Variants in MROH1 observed in about 807,000 individuals in gnomAD.
The protein encoded by MROH1 is maestro heat like repeat family member 1.
MROH1 carries 117 observed loss-of-function variants against 116.5 expected under a neutral mutation model. The ratio of observed to expected loss-of-function variants is 1.00; its 90% CI spans 0.86 to 1.17. The LOEUF (loss-of-function observed/expected upper bound fraction) is 1.17, where lower values mean the gene tolerates loss of function less well. Among genes scored for constraint, MROH1 ranks in the 50% most tolerant of loss-of-function variants. The pLI is 0.00. For missense variants in MROH1, 1,873 were observed against 1,338.5 expected, an observed-to-expected ratio of 1.40 and a Z score of -6.23; for synonymous variants, 921 against 583.9, an observed-to-expected ratio of 1.58 and a Z score of -8.32.
intron 14 of MROH1, among the ~76,000 whole-genome samples, chr8:144,233,733 C>T (rs112189131): frequency 0.071 from 10,741 of 152,274 alleles, 1,310 homozygotes; most frequent in African/African-American, 0.24. Context: ...GCTTATCCCA[C>T]TTGTCCCTTC....
At chr8:144,211,223 C>T (rs1376923118) in intron 12 of MROH1, among the ~76,000 whole-genome samples, 1 of 152,162 alleles carries the variant, frequency 6.6e-6, no homozygotes, top group Non-Finnish European at 1.5e-5. Flanking sequence ...TTGGGCAAGA[C>T]GATAGGAGTC....
At chr8:144,220,864 A>T (rs1350320510) in intron 13 of MROH1, among the ~76,000 whole-genome samples, 191 bp downstream of exon 13, 1 of 152,138 alleles carries the variant, frequency 6.6e-6, no homozygotes, top group African/African-American at 2.4e-5. Context: ...CACTCAGGAA[A>T]CAGTCCCCAA....
intron 12 of MROH1, among the ~76,000 whole-genome samples, chr8:144,216,815 G>A (rs1588250027): frequency 2.0e-5 from 3 of 151,394 alleles, no homozygotes; most frequent in South Asian, 2.1e-4. Flanking sequence ...TCAGCTTCCC[G>A]AGTAGCTGGG....
intron 12 of MROH1, chr8:144,212,950 T>C (rs755350985): frequency 1.3e-6 from 1 of 748,714 alleles, no homozygotes; most frequent in South Asian, 1.4e-5. Flanking sequence ...GTTAATAGAA[T>C]TGGACTATCC....
intron 10 of MROH1, among the ~76,000 whole-genome samples, chr8:144,197,560 C>G (rs190063284): frequency 6.7e-6 from 1 of 149,108 alleles, no homozygotes; most frequent in African/African-American, 2.5e-5. Flanking sequence ...CTCAGCCTCC[C>G]GAGTAGCTGG....
At chr8:144,261,243 C>G (rs907646464) in intron 42 of MROH1, 27 bp downstream of exon 42, 8 of 761,114 alleles carry the variant, frequency 1.1e-5, no homozygotes, top group Non-Finnish European at 1.9e-5. Context: ...GCCCCACCCC[C>G]ACGCCGCCCG....
At chr8:144,178,160 G>A (rs1824542296) in intron 4 of MROH1, among the ~76,000 whole-genome samples, 1 of 105,300 alleles carries the variant, frequency 9.5e-6, no homozygotes, top group South Asian at 4.2e-4. Context: ...TTGAGACAGA[G>A]TCTTGCTCCG....
chr8:144,165,865 G>A (rs1820707593), intron 3 of MROH1, among the ~76,000 whole-genome samples: 1 of 151,044 alleles, frequency 6.6e-6, no homozygotes, highest in Non-Finnish European at 1.5e-5. Flanking sequence ...GAGCCACTGT[G>A]CCCGGCCATC....
rs551700473 is a variant in MROH1, at chr8:144,188,788, G to T, written c.563-1996G>T. On this transcript the variant is annotated intron_variant, in intron 7 of 43. Coordinates refer to ENST00000326134, the MANE Select transcript of MROH1 (RefSeq NM_032450.3). ...GCCACTGCCTCATTTTATAAGTGAGGAAACTGAGGCACAAAGAGGCTGAAT... is the reference window on the plus strand; with the variant it reads ...GCCACTGCCTCATTTTATAAGTGAGTAAACTGAGGCACAAAGAGGCTGAAT... Among the ~76,000 whole-genome samples, 12 of 152,218 alleles carry T rather than the reference G, an allele frequency of 7.9e-5. No individual in the cohort carries two copies. The East Asian group carries it at 2.1e-3, about 27-fold the overall frequency.
Position 144,249,559 on chromosome 8 carries a change from G to A in MROH1, c.3273+530G>A, listed in dbSNP as rs1215616152. ...CAGGGAGCCCCCTCGTGACAAGGCC[G>A]TCCCCCAGAGTGAGGCTCATGCTAT... On this transcript the variant is annotated intron_variant, in intron 32 of 43. Transcript: ENST00000326134. 1.4e-4 allele frequency among the ~76,000 whole-genome samples: 21 copies of A among 152,290 alleles called. No individual in the cohort carries two copies. The South Asian group carries it at 2.1e-3, about 15-fold the overall frequency.
intron 3 of MROH1, among the ~76,000 whole-genome samples, chr8:144,164,504 A>G (rs938382316): frequency 1.3e-5 from 2 of 151,730 alleles, no homozygotes; most frequent in African/African-American, 4.8e-5. Context: ...TCCTGAGCTC[A>G]GGTGATCCTC....
At chr8:144,216,892 G>T (rs1188198640) in intron 12 of MROH1, among the ~76,000 whole-genome samples, 18 of 152,096 alleles carry the variant, frequency 1.2e-4, no homozygotes. Context: ...GTTTCACCAT[G>T]TTGGTCAGGC....
chr8:144,188,449 A>ATTTTTTTTTT (rs573524223), intron 7 of MROH1, among the ~76,000 whole-genome samples: 3 of 45,836 alleles, frequency 6.5e-5, no homozygotes, highest in African/African-American at 2.6e-4. Flanking sequence ...CCACTGCCCA[A>ATTTTTTTTTT]TTTTTTTTTT....
chr8:144,160,134 T>G (rs1298997722), intron 1 of MROH1, among the ~76,000 whole-genome samples: 1 of 152,248 alleles, frequency 6.6e-6, no homozygotes, highest in Non-Finnish European at 1.5e-5. Context: ...GATATTTTTG[T>G]GTTTCTGTTA....
Position 144,248,953 on chromosome 8 carries a change from A to G in MROH1, c.3197A>G (p.Glu1066Gly), listed in dbSNP as rs1474791201. ...ATGTTTGAGGCCCTGGGAGACCCCG[A>G]AAAGAACTGCTCCCGAGCAGCTACC... The part of the protein sequence containing the change: ...LTMFEALGDP[E>G]KNCSRAATVM... Residue 1066 changes from glutamate to glycine, a missense_variant, in exon 32 of 44, where the codon GAA becomes GGA. Transcript: ENST00000326134. 2 of 759,468 alleles carry G rather than the reference A, an allele frequency of 2.6e-6. No homozygotes were observed. Among genetic ancestry groups the G allele is most frequent in the African/African-American group, 3.4e-5 (2 of 58,352 alleles). 47.0% of individuals were successfully genotyped at this position (759,468 alleles called of 1,614,324 possible).
At chr8:144,174,789 A>G in intron 4 of MROH1, 1 of 981,752 alleles carries the variant, frequency 1.0e-6, no homozygotes. Context: ...GGCCCTATCC[A>G]TTTTTTGTAA....
At chr8:144,233,868 C>T (rs959418230) in intron 14 of MROH1, among the ~76,000 whole-genome samples, 9 of 152,182 alleles carry the variant, frequency 5.9e-5, no homozygotes, top group Non-Finnish European at 1.2e-4. Context: ...TTTTCAAGAT[C>T]ATTTGGCTAT....
chr8:144,251,240 C>T (rs1360100945), intron 33 of MROH1: 3 of 154,076 alleles, frequency 1.9e-5, no homozygotes, highest in African/African-American at 7.2e-5. Flanking sequence ...CCCGCAGGCA[C>T]CTTCTGCTCA....
Position 144,260,351 on chromosome 8 carries a change from C to A in MROH1, c.4357C>A (p.Arg1453Ser). 1 of 728,266 alleles carries A rather than the reference C, an allele frequency of 1.4e-6. No individual in the cohort carries two copies. The highest frequency in any genetic ancestry group is 2.5e-6 in the Non-Finnish European group (1 of 397,582). The allele number at this position is 728,266 out of a possible 1,614,324, so 45.1% of individuals were successfully genotyped here. The part of the protein sequence containing the change: ...LRSGLLHVAI[R>S]IRPFFDSEKM... Reference sequence around the variant, plus strand: ...CTCAGGGCTGCTGCACGTGGCCATCCGCATCCGGCCTTTCTTCGACAGTGT... The same window carrying A: ...CTCAGGGCTGCTGCACGTGGCCATCAGCATCCGGCCTTTCTTCGACAGTGT... The change falls in exon 39 of 44, where the codon CGC becomes AGC. Residue 1453 changes from arginine (R) to serine (S), a missense_variant. Arg to Ser is a moderately radical substitution (Grantham distance 110). Coordinates refer to ENST00000326134, the MANE Select transcript of MROH1 (RefSeq NM_032450.3).
Sources: gnomAD v4.1 joint callset for allele counts (sites outside exome capture counted in the v4.1 genomes callset) on GRCh38, gnomAD v4.1.1 for gene constraint, MANE v1.5 for transcripts, NCBI Gene and HGNC (gene_info 2026-07-23, HGNC 2026-07-21) for gene names.